Variants in SNX24 observed in about 807,000 individuals in gnomAD.
SNX24 encodes the protein sorting nexin-24.
SNX24 carries 22 observed loss-of-function variants against 28.7 expected under a neutral mutation model. The observed-to-expected ratio is 0.77, with a 90% CI of 0.55 to 1.10. SNX24 has a LOEUF of 1.10. Ranked by LOEUF, SNX24 falls within the 50% of genes least tolerant of loss-of-function variation. SNX24 has a pLI of 0.00. For missense variants in SNX24, 221 were observed against 201.1 expected (o/e 1.10, Z -0.60); for synonymous variants, 69 against 71.5 (o/e 0.96, Z 0.18).
At chr5:122,965,672 T>G (rs1760686242) in intron 3 of SNX24, among the ~76,000 whole-genome samples, 1 of 152,208 alleles carries the variant, frequency 6.6e-6, no homozygotes, top group Non-Finnish European at 1.5e-5. Flanking sequence ...GGGCTTTTAT[T>G]TGTACCGATA....
intron 3 of SNX24, among the ~76,000 whole-genome samples, chr5:122,997,661 C>T (rs1000315906): frequency 6.6e-6 from 1 of 152,318 alleles, no homozygotes; most frequent in Non-Finnish European, 1.5e-5. Flanking sequence ...ATGTCTTCCT[C>T]CATACTGCGG....
chr5:122,916,180 C>T (rs994705459), intron 1 of SNX24, among the ~76,000 whole-genome samples: 1 of 152,202 alleles, frequency 6.6e-6, no homozygotes, highest in Admixed American at 6.5e-5. Flanking sequence ...AGAATTAAGA[C>T]AAAACACACA....
rs187214326 is a variant in SNX24 at position 123,016,893 on chromosome 5, T to A, written n.384-12345T>A. ...TTCCTGGGCCTTGTTTCCTCTATAG[T>A]TCAGACACTTCCACTTCCCATTTCC... On this transcript the variant is annotated intron_variant and non_coding_transcript_variant, in intron 5 of 5. Coordinates refer to the SNX24 transcript ENST00000502387. Among the ~76,000 whole-genome samples, 26 of 152,202 alleles carry A rather than the reference T, an allele frequency of 1.7e-4. No homozygotes were observed. The East Asian group carries it at 5.0e-3, about 29-fold the overall frequency.
At chr5:122,950,755 AG>A (rs1302684879) in intron 3 of SNX24, among the ~76,000 whole-genome samples, 9 of 152,162 alleles carry the variant, frequency 5.9e-5, no homozygotes, top group Non-Finnish European at 1.0e-4. Flanking sequence ...ATGAGGGAGA[AG>A]GGGTGATTTC....
chr5:122,870,091 T>C (rs1172842919), intron 1 of SNX24, among the ~76,000 whole-genome samples: 1 of 152,212 alleles, frequency 6.6e-6, no homozygotes, highest in Admixed American at 6.5e-5. Context: ...GATTTAAATA[T>C]TGTTGAGTAA....
intron 3 of SNX24, among the ~76,000 whole-genome samples, chr5:122,959,693 C>G (rs1434007754): frequency 6.6e-6 from 1 of 150,942 alleles, no homozygotes; most frequent in Non-Finnish European, 1.5e-5. Flanking sequence ...TTTTTTTGAT[C>G]ACACTGATTG....
intron 1 of SNX24, among the ~76,000 whole-genome samples, chr5:122,928,793 G>A (rs1758821482): frequency 6.6e-6 from 1 of 151,386 alleles, no homozygotes; most frequent in South Asian, 2.1e-4. Flanking sequence ...GATAAGTGAT[G>A]AGTATATGGC....
intron 3 of SNX24, among the ~76,000 whole-genome samples, chr5:122,963,805 C>T (rs1471106777): frequency 6.6e-6 from 1 of 152,180 alleles, no homozygotes; most frequent in East Asian, 1.9e-4. Flanking sequence ...TCTTCACAGA[C>T]ATTAAAATTC....
In SNX24 at chr5:122,957,238, A is replaced by G. The variant is rs527394655; in HGVS notation, c.249+11079A>G. Among the ~76,000 whole-genome samples the G allele has an allele frequency of 9.2e-5, 14 of 152,302 alleles. No homozygotes were observed. The Middle Eastern group carries it at 0.017, about 185-fold the overall frequency. ...CAGTTTCATTCTTTTGCATGTGGAC[A>G]TCCAGTTTTCCTAGCACAATTTGTT... is the stretch of plus-strand genomic sequence containing the variant. On this transcript the variant is annotated intron_variant, in intron 3 of 6. Transcript: ENST00000261369.
At chr5:122,902,057 C>T (rs970060343) in intron 1 of SNX24, among the ~76,000 whole-genome samples, 1 of 152,242 alleles carries the variant, frequency 6.6e-6, no homozygotes, top group African/African-American at 2.4e-5. Context: ...GTCTGTCCTT[C>T]ATCTGGGCAT....
At chr5:122,896,387 A>G (rs984653882) in intron 1 of SNX24, among the ~76,000 whole-genome samples, 2 of 152,150 alleles carry the variant, frequency 1.3e-5, no homozygotes, top group East Asian at 1.9e-4. Flanking sequence ...AATTTTGCCA[A>G]CAGACAGGAT....
At chr5:122,923,358 TA>T (rs901608169) in intron 1 of SNX24, among the ~76,000 whole-genome samples, 56 of 144,460 alleles carry the variant, frequency 3.9e-4, no homozygotes, top group East Asian at 2.0e-3. Flanking sequence ...AAATTAAAAT[TA>T]AAAAAAAAAA....
At chr5:122,981,789 C>G (rs531743661) in intron 3 of SNX24, among the ~76,000 whole-genome samples, 3 of 152,240 alleles carry the variant, frequency 2.0e-5, no homozygotes, top group African/African-American at 7.2e-5. Context: ...GTGATTCTCC[C>G]GCCTCAGCCT....
intron 3 of SNX24, among the ~76,000 whole-genome samples, chr5:122,996,538 T>C (rs367686714): frequency 1.3e-5 from 2 of 152,216 alleles, no homozygotes; most frequent in African/African-American, 4.8e-5. Context: ...TGAACAATTA[T>C]CCAAACTTCA....
chr5:122,884,251 CT>C (rs758617172), intron 1 of SNX24, among the ~76,000 whole-genome samples: 18 of 92,782 alleles, frequency 1.9e-4, no homozygotes, highest in South Asian at 8.1e-4. Flanking sequence ...GTTTCTTTTT[CT>C]TTTTTTTTTT....
At chr5:122,978,019 A>G (rs1581824385) in intron 3 of SNX24, among the ~76,000 whole-genome samples, 1 of 151,904 alleles carries the variant, frequency 6.6e-6, no homozygotes, top group Non-Finnish European at 1.5e-5. Context: ...GAATGTTTCA[A>G]TTTTTTTTCA....
At chr5:122,890,712 CT>C (rs2150070228) in intron 1 of SNX24, among the ~76,000 whole-genome samples, 1 of 152,246 alleles carries the variant, frequency 6.6e-6, no homozygotes, top group African/African-American at 2.4e-5. Context: ...CTCAAGTGAT[CT>C]GCCCGTCTCA....
intron 1 of SNX24, among the ~76,000 whole-genome samples, chr5:122,912,796 G>A (rs183647046): frequency 1.3e-5 from 2 of 151,282 alleles, no homozygotes; most frequent in African/African-American, 2.4e-5. Flanking sequence ...GATTTGGCAG[G>A]GTCTAGGACA....
At chr5:122,906,072 C>A (rs1757635958) in intron 1 of SNX24, among the ~76,000 whole-genome samples, 1 of 152,174 alleles carries the variant, frequency 6.6e-6, no homozygotes, top group African/African-American at 2.4e-5. Flanking sequence ...AGCTCTAAGA[C>A]CACAGAACCT....
Sources: gnomAD v4.1 joint callset for allele counts (sites outside exome capture counted in the v4.1 genomes callset) on GRCh38, gnomAD v4.1.1 for gene constraint, MANE v1.5 for transcripts, NCBI Gene and HGNC (gene_info 2026-07-23, HGNC 2026-07-21) for gene names.